Variants in TPCN1 observed in about 807,000 individuals in gnomAD.
TPCN1 encodes two pore segment channel 1.
TPCN1 carries 52 observed loss-of-function variants against 108.8 expected under a neutral mutation model. The observed-to-expected ratio is 0.48, with a 90% CI of 0.38 to 0.60. TPCN1 has a LOEUF of 0.60. TPCN1 is among the 20% of genes least tolerant of loss of function. TPCN1 has a pLI of 0.00. For synonymous variants in TPCN1, 446 were observed against 433.7 expected (o/e 1.03, Z -0.35); for missense variants, 806 against 1,072.8 (o/e 0.75, Z 3.47).
rs1307216152 is a variant in TPCN1, at chr12:113,226,893, C to G, written c.41C>G (p.Thr14Ser). The G allele has an allele frequency of 1.9e-6, 3 of 1,614,036 alleles. No individual in the cohort carries two copies. The African/African-American group carries it at 4.0e-5, about 22-fold the overall frequency. The change falls in exon 2 of 28, where the codon ACC becomes AGC. Residue 14 changes from threonine (T) to serine (S), a missense_variant. Coordinates refer to ENST00000335509, the MANE Select transcript of TPCN1 (RefSeq NM_017901.6). ...GATGACGACGTGCCGCTCATCCTGA[C>G]CTTGGATGAGGGTGGCAGTGCCCCA... Reference protein sequence around the residue: ...SLDDDVPLILTLDEGGSAPLA... With the variant: ...SLDDDVPLILSLDEGGSAPLA...
intron 26 of TPCN1, 38 bp downstream of exon 26, chr12:113,293,111 G>C (rs780714100): frequency 6.2e-7 from 1 of 1,603,416 alleles, no homozygotes; most frequent in South Asian, 1.1e-5. Flanking sequence ...GAGGGAGGCA[G>C]GTTTCAGTGT....
chr12:113,249,662 TC>T (rs1954552719), intron 2 of TPCN1: 1 of 152,194 alleles, frequency 6.6e-6, no homozygotes, highest in Non-Finnish European at 1.5e-5. Flanking sequence ...GACCTCTACT[TC>T]CATAAAACAC....
rs542766132 is a variant in TPCN1 at position 113,224,182 on chromosome 12, C to T, written c.-125-2546C>T. 3.3e-5 allele frequency among the ~76,000 whole-genome samples: 5 copies of T among 152,170 alleles called. No homozygotes were observed. The East Asian group carries it at 7.7e-4, about 24-fold the overall frequency. ...TGGGAATACAGGTTTGGAGTCACAC[C>T]GTAGAGCTGAAAGCTTGGCTTTTAT... On this transcript the variant is annotated intron_variant, in intron 1 of 27. Transcript: ENST00000335509.
intron 12 of TPCN1, among the ~76,000 whole-genome samples, chr12:113,277,767 AG>A (rs1955724257): frequency 6.6e-6 from 1 of 152,148 alleles, no homozygotes; most frequent in Admixed American, 6.5e-5. Flanking sequence ...TTGGTCTTCC[AG>A]GCTGTTGATG....
chr12:113,262,427 AG>A (rs1161498996), intron 3 of TPCN1, among the ~76,000 whole-genome samples: 3 of 151,020 alleles, frequency 2.0e-5, no homozygotes, highest in East Asian at 2.0e-4. Flanking sequence ...AAAAAAAAAA[AG>A]ATTTAATGAA....
At position 113,288,705 on chromosome 12, in the gene TPCN1, G is replaced by A. The variant is rs1956171646; in HGVS notation, c.1707-53G>A. The A allele has an allele frequency of 1.2e-6, 2 of 1,602,932 alleles. No individual in the cohort carries two copies. Among genetic ancestry groups the A allele is most frequent in the Non-Finnish European group, 8.5e-7 (1 of 1,177,838 alleles). On this transcript the variant is annotated intron_variant, in intron 20 of 27. Transcript: ENST00000335509. The surrounding 1 kb of genome is among the most constrained non-coding windows in gnomAD (Gnocchi z 4.8). ...GGTCCGAGGAGGCCGGGGCTGCAGA[G>A]GAGCCGTTCCCTCCTGCCGGCCCCG... is the stretch of plus-strand genomic sequence containing the variant.
At chr12:113,260,532 T>C in intron 3 of TPCN1, 40 bp downstream of exon 3, 1 of 1,547,260 alleles carries the variant, frequency 6.5e-7, no homozygotes, top group Non-Finnish European at 8.7e-7. Context: ...TGTCTGCACC[T>C]GTTGGTGGGG....
chr12:113,257,255 G>T (rs1206034332), intron 2 of TPCN1, among the ~76,000 whole-genome samples: 1 of 152,210 alleles, frequency 6.6e-6, no homozygotes, highest in Non-Finnish European at 1.5e-5. Context: ...ACTTTGGGAG[G>T]CCGAGGCGGG....
chr12:113,286,454 G>GGTTA (rs1555270112), intron 18 of TPCN1, among the ~76,000 whole-genome samples: 5 of 151,994 alleles, frequency 3.3e-5, no homozygotes, highest in East Asian at 3.9e-4. Context: ...ACGCAGAGCG[G>GGTTA]AGTTGGGAGG....
Position 113,266,016 on chromosome 12 carries a change from C to T in TPCN1, c.238-164C>T, listed in dbSNP as rs916488688. 3.3e-5 allele frequency among the ~76,000 whole-genome samples: 5 copies of T among 150,492 alleles called. No individual in the cohort carries two copies. Among genetic ancestry groups the T allele is most frequent in the Non-Finnish European group, 7.4e-5 (5 of 68,006 alleles). On this transcript the variant is annotated intron_variant, in intron 3 of 27. Coordinates refer to ENST00000335509, the MANE Select transcript of TPCN1 (RefSeq NM_017901.6). This position sits in a 1 kb window ranked among gnomAD's most constrained non-coding sequence, Gnocchi z 4.2. ...GCAGGCAGGAGTGAGACCTGACCAC[C>T]GTGAGTTTCGCGAAGATCATTTTGA...
rs1593216405 is a variant in TPCN1, at chr12:113,292,019, C to G, written c.2113+61C>G. ...CTGCCGCCTACCCAGCTCTGTCTGT[C>G]TGTCTGGGTGGCTGTCCAGCCAGCC... On this transcript the variant is annotated intron_variant, in intron 25 of 27. Transcript: ENST00000335509. The G allele has an allele frequency of 9.5e-6, 14 of 1,468,914 alleles. No individual in the cohort carries two copies. The East Asian group carries it at 3.2e-4, about 33-fold the overall frequency. The allele number at this position is 1,468,914 out of a possible 1,614,324, so 91.0% of individuals were successfully genotyped here. A position where few individuals can be genotyped will look rare whatever the true frequency, so the allele number is the denominator to read the frequency against.
At chr12:113,249,665 A>G (rs1044679527) in intron 2 of TPCN1, 2 of 152,284 alleles carry the variant, frequency 1.3e-5, no homozygotes, top group Non-Finnish European at 2.9e-5. Context: ...CTCTACTTCC[A>G]TAAAACACAA....
At chr12:113,274,435 G>A (rs1305302221) in intron 10 of TPCN1, among the ~76,000 whole-genome samples, 3 of 151,824 alleles carry the variant, frequency 2.0e-5, no homozygotes, top group Non-Finnish European at 2.9e-5. Context: ...GCAACAGCAC[G>A]AGACTCTGTA....
intron 27 of TPCN1, 25 bp downstream of exon 27, chr12:113,293,374 C>T (rs748672617): frequency 1.6e-5 from 25 of 1,606,884 alleles, no homozygotes; most frequent in African/African-American, 5.3e-5. Context: ...GACCACGCTG[C>T]GAATCCTCCC....
At chr12:113,234,445 T>C (rs1463701112) in intron 2 of TPCN1, among the ~76,000 whole-genome samples, 1 of 152,224 alleles carries the variant, frequency 6.6e-6, no homozygotes, top group East Asian at 1.9e-4. Flanking sequence ...GCAGTGATCC[T>C]CTGAGGTTGT....
intron 2 of TPCN1, chr12:113,244,644 T>C (rs1245059989): frequency 3.0e-6 from 3 of 985,404 alleles, no homozygotes; most frequent in Non-Finnish European, 3.6e-6. Context: ...TTGAGCTCTT[T>C]CCCATGGTGT....
intron 27 of TPCN1, 78 bp downstream of exon 27, chr12:113,293,427 C>G (rs757819378): frequency 7.3e-7 from 1 of 1,369,856 alleles, no homozygotes; most frequent in Non-Finnish European, 1.0e-6. Flanking sequence ...CTCTCTGGCC[C>G]TCTGAGTAGA....
chr12:113,284,453 G>A lies in TPCN1; in HGVS notation c.1343-128G>A, dbSNP rs550229812. 4.1e-6 allele frequency: 4 copies of A among 983,022 alleles called. No homozygotes were observed. The South Asian group carries it at 4.3e-5, about 11-fold the overall frequency. 60.9% of individuals were successfully genotyped at this position (983,022 alleles called of 1,614,324 possible). On this transcript the variant is annotated intron_variant, in intron 15 of 27. Transcript: ENST00000335509. This position sits in a 1 kb window ranked among gnomAD's most constrained non-coding sequence, Gnocchi z 4.1. ...GAAAGAAGTTCCCTATCAAATGGGT[G>A]TGTGGAGCAGCCCTGTTCTCCCCAT...
In TPCN1 at chr12:113,284,320, T is replaced by C. The variant is rs1264982374; in HGVS notation, c.1343-261T>C. ...ACCTCAATTTGGAATAATCTCTACA[T>C]CATAACTGGTATTCATACAGTGACA... is the stretch of plus-strand genomic sequence containing the variant. On this transcript the variant is annotated intron_variant, in intron 15 of 27. Coordinates refer to ENST00000335509, the MANE Select transcript of TPCN1 (RefSeq NM_017901.6). The surrounding 1 kb of genome is among the most constrained non-coding windows in gnomAD (Gnocchi z 4.1). Among the ~76,000 whole-genome samples, 1 of 152,238 alleles carries C rather than the reference T, an allele frequency of 6.6e-6. No individual in the cohort carries two copies. Among genetic ancestry groups the C allele is most frequent in the Non-Finnish European group, 1.5e-5 (1 of 68,042 alleles).
Sources: allele counts gnomAD v4.1 joint callset (sites outside exome capture counted in the v4.1 genomes callset), GRCh38; gene constraint gnomAD v4.1.1; non-coding constraint Gnocchi (gnomAD v3.1); transcripts MANE v1.5; gene names NCBI Gene and HGNC (gene_info 2026-07-23, HGNC 2026-07-21).